Variants in NUMA1 observed in about 807,000 individuals in gnomAD.
NUMA1 encodes SP-H antigen.
NUMA1 carries 62 observed loss-of-function variants against 237.1 expected under a neutral mutation model. The ratio of observed to expected loss-of-function variants is 0.26; its 90% CI spans 0.21 to 0.32. The LOEUF (loss-of-function observed/expected upper bound fraction) is 0.32. NUMA1 is among the 10% of genes least tolerant of loss of function. The pLI is 1.00. For synonymous variants in NUMA1, 1,028 were observed against 1,066.1 expected (o/e 0.96, Z 0.70); for missense variants, 2,533 against 2,666.5 (o/e 0.95, Z 1.10).
At chr11:72,010,314 A>G (rs1956058196) in intron 17 of NUMA1, among the ~76,000 whole-genome samples, 5 of 152,244 alleles carry the variant, frequency 3.3e-5, no homozygotes, top group Admixed American at 3.3e-4. Flanking sequence ...GAAAGCATTA[A>G]GAATGTTATT....
Position 72,015,635 on chromosome 11 carries a change from T to C in NUMA1, c.1868A>G (p.Gln623Arg). The C allele has an allele frequency of 6.2e-7, 1 of 1,613,800 alleles. No individual in the cohort carries two copies. Among genetic ancestry groups the C allele is most frequent in the Non-Finnish European group, 8.5e-7 (1 of 1,180,022 alleles). Reference protein sequence around the residue: ...KAAKLEILQQQLQVANEARDS... With the variant: ...KAAKLEILQQRLQVANEARDS... ...CCGGGCTTCATTAGCCACCTGAAGT[T>C]GCTGCTGCAGAATCTCCAGCTTGGC... is the stretch of plus-strand genomic sequence containing the variant. The change falls in exon 15 of 27, where the codon CAA becomes CGA. Residue 623 changes from glutamine to arginine, a missense_variant. Transcript: ENST00000393695. The surrounding 1 kb of genome is among the most constrained non-coding windows in gnomAD (Gnocchi z 4.0).
chr11:72,073,565 G>C (rs980333188), intron 1 of NUMA1, among the ~76,000 whole-genome samples: 5 of 152,206 alleles, frequency 3.3e-5, no homozygotes, highest in Non-Finnish European at 7.3e-5. Context: ...CACACTTTTA[G>C]CCAGGGGAGA....
chr11:72,033,364 GTTTTTTTTTT>G (rs58353057), intron 3 of NUMA1, among the ~76,000 whole-genome samples: 124,192 of 145,078 alleles, frequency 0.86, 53,487 homozygotes, highest in Non-Finnish European at 0.94. Flanking sequence ...CATGTTCTTT[GTTTTTTTTTT>G]TTTTTTTTTT....
Position 72,015,422 on chromosome 11 carries a change from G to A in NUMA1, c.2081C>T (p.Ala694Val), listed in dbSNP as rs1475791374. ...CTCCTGGAGCTGGTCCTTCTCCTGGGCCACCCTTTCTTTCTCAGTTGCTTT... is the reference window on the plus strand; with the variant it reads ...CTCCTGGAGCTGGTCCTTCTCCTGGACCACCCTTTCTTTCTCAGTTGCTTT... ...QQKATEKERV[A>V]QEKDQLQEQL... Residue 694 changes from alanine (A) to valine (V), a missense_variant, in exon 15 of 27, where the codon GCC becomes GTC. This residue lies in a region of NUMA1 where 1,414 missense variants were observed against 1,508.1 expected (regional missense o/e 0.94). Transcript: ENST00000393695. The surrounding 1 kb of genome is among the most constrained non-coding windows in gnomAD (Gnocchi z 4.0). The A allele has an allele frequency of 3.1e-6, 5 of 1,611,624 alleles. No homozygotes were observed. In the South Asian group the frequency reaches 4.4e-5, roughly 14 times the overall value.
At chr11:72,050,636 C>T (rs1405891103) in intron 2 of NUMA1, 7 of 152,134 alleles carry the variant, frequency 4.6e-5, no homozygotes, top group Admixed American at 3.3e-4. Context: ...AAATTAGGAA[C>T]GTAAGGCTCA....
intron 8 of NUMA1, among the ~76,000 whole-genome samples, chr11:72,020,163 T>A (rs1347094833): frequency 1.3e-5 from 2 of 152,158 alleles, no homozygotes; most frequent in Admixed American, 6.5e-5. Context: ...TCCTCCCTCC[T>A]CTACCCACCC....
intron 12 of NUMA1, 123 bp downstream of exon 12, chr11:72,018,060 G>C (rs1938139397): frequency 1.1e-6 from 1 of 936,718 alleles, no homozygotes; most frequent in African/African-American, 1.6e-5. Context: ...AAATATGCAG[G>C]TCTCTGGAGA....
At chr11:72,011,821 C>A (rs1956182513) in intron 16 of NUMA1, among the ~76,000 whole-genome samples, 1 of 152,136 alleles carries the variant, frequency 6.6e-6, no homozygotes, top group Non-Finnish European at 1.5e-5. Context: ...GGTATAGACC[C>A]CTCCTGCTCC....
At chr11:72,021,396 C>T in intron 7 of NUMA1, 105 bp from the exon 8 acceptor site, 2 of 955,522 alleles carry the variant, frequency 2.1e-6, no homozygotes, top group Non-Finnish European at 3.3e-6. Context: ...TCCCTCATGC[C>T]CTAGGAGCCT....
chr11:72,054,462 C>T (rs559216067), intron 2 of NUMA1, among the ~76,000 whole-genome samples: 3 of 150,756 alleles, frequency 2.0e-5, no homozygotes, highest in African/African-American at 7.3e-5. Context: ...GAGCAAAACT[C>T]CATCTCAAAA....
chr11:72,006,328 C>A, intron 21 of NUMA1, 65 bp from the exon 22 acceptor site: 1 of 1,392,288 alleles, frequency 7.2e-7, no homozygotes, highest in South Asian at 1.3e-5. Context: ...CTTCCCATTC[C>A]CTTCCGAAGC....
At chr11:72,073,488 G>T (rs1305505501) in intron 1 of NUMA1, among the ~76,000 whole-genome samples, 2 of 152,136 alleles carry the variant, frequency 1.3e-5, no homozygotes, top group African/African-American at 2.4e-5. Context: ...GACTTGCAGA[G>T]GAAGAACACC....
intron 8 of NUMA1, among the ~76,000 whole-genome samples, chr11:72,020,004 T>C (rs1160870492): frequency 1.3e-5 from 2 of 152,186 alleles, no homozygotes; most frequent in African/African-American, 4.8e-5. Flanking sequence ...ATCAGAGCCA[T>C]TGGCCACCAT....
intron 25 of NUMA1, 57 bp from the exon 26 acceptor site, chr11:72,004,156 G>C: frequency 1.2e-6 from 2 of 1,603,094 alleles, no homozygotes; most frequent in Non-Finnish European, 1.7e-6. Flanking sequence ...AGGCCAGCGT[G>C]CTGTGCCACG....
intron 2 of NUMA1, among the ~76,000 whole-genome samples, chr11:72,055,092 CA>C (rs953497161): frequency 6.8e-6 from 1 of 147,788 alleles, no homozygotes. Context: ...CCAATGTCAA[CA>C]AAAAAAAATG....
At chr11:72,044,292 A>T (rs1027744640) in intron 2 of NUMA1, among the ~76,000 whole-genome samples, 2 of 152,166 alleles carry the variant, frequency 1.3e-5, no homozygotes, top group Non-Finnish European at 2.9e-5. Context: ...TAATTCAATA[A>T]CACCTATAAG....
intron 2 of NUMA1, among the ~76,000 whole-genome samples, chr11:72,059,419 G>A (rs1018193748): frequency 1.3e-5 from 2 of 152,048 alleles, no homozygotes; most frequent in African/African-American, 4.8e-5. Flanking sequence ...GGGACTAAAG[G>A]TGCGCACCAC....
chr11:72,070,972 G>A (rs1328542320), intron 1 of NUMA1, among the ~76,000 whole-genome samples: 2 of 152,132 alleles, frequency 1.3e-5, no homozygotes, highest in Non-Finnish European at 2.9e-5. Flanking sequence ...GCAAAATGCT[G>A]GGCACAGTCT....
Position 72,004,046 on chromosome 11 carries a change from T to A in NUMA1, c.6177A>T (p.Leu2059=). Residue 2059 remains leucine (L), a synonymous_variant, in exon 26 of 27, where the codon CTA becomes CTT. Coordinates refer to ENST00000393695, the MANE Select transcript of NUMA1 (RefSeq NM_006185.4). ...AFSILNTPKK[L]GNSLLRRGAS... ...CTCCCCGCCGCAGAAGGCTGTTCCC[T>A]AGCTTCTTGGGTGTGTTGAGGATGC... 2.5e-6 allele frequency: 4 copies of A among 1,613,652 alleles called. No individual in the cohort carries two copies. The highest frequency in any genetic ancestry group is 3.4e-6 in the Non-Finnish European group (4 of 1,179,784).
Sources: allele counts gnomAD v4.1 joint callset (sites outside exome capture counted in the v4.1 genomes callset), GRCh38; gene constraint gnomAD v4.1.1; regional missense constraint gnomAD v4.1.1; non-coding constraint Gnocchi (gnomAD v3.1); transcripts MANE v1.5; gene names NCBI Gene and HGNC (gene_info 2026-07-23, HGNC 2026-07-21).